PTPRG: variants seen among roughly 807,000 people sequenced by gnomAD.
The protein encoded by PTPRG is protein tyrosine phosphatase receptor type G, also known as receptor-type tyrosine-protein phosphatase gamma.
A neutral mutation model predicts 165.3 loss-of-function variants in PTPRG; 102 were observed. The ratio of observed to expected loss-of-function variants is 0.62; its 90% CI spans 0.53 to 0.73. The LOEUF is 0.73. Among genes scored for constraint, PTPRG ranks in the 30% least tolerant of loss-of-function variants. PTPRG has a pLI of 0.00. For missense variants in PTPRG, 1,866 were observed against 1,861.4 expected (o/e 1.00, Z -0.05); for synonymous variants, 675 against 669.5 (o/e 1.01, Z -0.13).
intron 2 of PTPRG, among the ~76,000 whole-genome samples, chr3:61,956,277 CT>C: frequency 1.1e-5 from 1 of 92,208 alleles, no homozygotes; most frequent in East Asian, 4.3e-4. Flanking sequence ...TGCACGCTGT[CT>C]CTCTCTCTCT....
At chr3:61,967,907 T>G (rs927319445) in intron 2 of PTPRG, among the ~76,000 whole-genome samples, 3 of 152,206 alleles carry the variant, frequency 2.0e-5, no homozygotes, top group Admixed American at 6.5e-5. Flanking sequence ...TTTTCTCTAG[T>G]AAACATGTAA....
intron 1 of PTPRG, among the ~76,000 whole-genome samples, chr3:61,726,467 T>G (rs924367834): frequency 6.6e-6 from 1 of 152,148 alleles, no homozygotes; most frequent in Non-Finnish European, 1.5e-5. Context: ...ATAATGGAAA[T>G]ATACTGCCAT....
chr3:61,760,891 C>T (rs1489531476), intron 2 of PTPRG, among the ~76,000 whole-genome samples: 1 of 152,132 alleles, frequency 6.6e-6, no homozygotes, highest in Non-Finnish European at 1.5e-5. Flanking sequence ...ATGATGGCTT[C>T]CAGCTTCATT....
At chr3:61,968,144 A>C (rs2040309975) in intron 2 of PTPRG, among the ~76,000 whole-genome samples, 1 of 152,234 alleles carries the variant, frequency 6.6e-6, no homozygotes, top group Non-Finnish European at 1.5e-5. Context: ...TTGGCCATAA[A>C]CAAGTACTAA....
intron 2 of PTPRG, among the ~76,000 whole-genome samples, chr3:61,789,957 A>G (rs556038709): frequency 6.6e-6 from 1 of 152,332 alleles, no homozygotes; most frequent in South Asian, 2.1e-4. Flanking sequence ...CTTGTGCATC[A>G]CATGATTTAG....
chr3:61,802,550 G>A (rs1030856295), intron 2 of PTPRG, among the ~76,000 whole-genome samples: 1 of 152,220 alleles, frequency 6.6e-6, no homozygotes, highest in Non-Finnish European at 1.5e-5. Flanking sequence ...TGCAGGCCTA[G>A]TTTGCTTCAT....
chr3:62,183,308 A>G (rs2106781533), intron 8 of PTPRG, among the ~76,000 whole-genome samples: 1 of 152,270 alleles, frequency 6.6e-6, no homozygotes, highest in African/African-American at 2.4e-5. Flanking sequence ...TCATGCCTGT[A>G]ATCTCAACAC....
chr3:61,964,063 A>C (rs937083680), intron 2 of PTPRG, among the ~76,000 whole-genome samples: 2 of 152,246 alleles, frequency 1.3e-5, no homozygotes, highest in Non-Finnish European at 2.9e-5. Flanking sequence ...TGCAGGGAAC[A>C]CATAAGTAGC....
chr3:62,096,850 A>G (rs1702136537), intron 5 of PTPRG, among the ~76,000 whole-genome samples: 1 of 152,244 alleles, frequency 6.6e-6, no homozygotes, highest in African/African-American at 2.4e-5. Flanking sequence ...TCCTAGCTGC[A>G]TTGGGCTTTA....
At chr3:61,719,872 A>C (rs2031976342) in intron 1 of PTPRG, among the ~76,000 whole-genome samples, 1 of 152,026 alleles carries the variant, frequency 6.6e-6, no homozygotes, top group Non-Finnish European at 1.5e-5. Context: ...CTTTCCTGGA[A>C]CGTTCTTTTC....
At chr3:61,672,117 C>T (rs1049305673) in intron 1 of PTPRG, among the ~76,000 whole-genome samples, 22 of 143,226 alleles carry the variant, frequency 1.5e-4, no homozygotes, top group African/African-American at 5.3e-4. Flanking sequence ...ACATCTCAGA[C>T]GATGGGCGGC....
rs1270465895 is a variant in PTPRG, at chr3:62,190,442, C to T, written c.1034-1027C>T. On this transcript the variant is annotated intron_variant, in intron 8 of 29. Coordinates refer to ENST00000474889, the MANE Select transcript of PTPRG (RefSeq NM_002841.4). This position sits in a 1 kb window ranked among gnomAD's most constrained non-coding sequence, Gnocchi z 5.2. ...ACATTTCCGGCTGACTGGATTGGACCTGTTGAGCATTTGTATAACTCATTC... is the reference window on the plus strand; with the variant it reads ...ACATTTCCGGCTGACTGGATTGGACTTGTTGAGCATTTGTATAACTCATTC... 6.6e-6 allele frequency among the ~76,000 whole-genome samples: 1 copy of T among 152,192 alleles called. No individual in the cohort carries two copies. The highest frequency in any genetic ancestry group is 1.5e-5 in the Non-Finnish European group (1 of 68,044).
At position 61,870,123 on chromosome 3, in the gene PTPRG, A is replaced by T. The variant is rs1052452890; in HGVS notation, c.191-119502A>T. Among the ~76,000 whole-genome samples, 3 of 152,066 alleles carry T rather than the reference A, an allele frequency of 2.0e-5. No individual in the cohort carries two copies. The South Asian group carries it at 6.2e-4, about 31-fold the overall frequency. ...ATATGAATTGTGGGAGGACACAAACATTTAGTCTATAGTGGTATGAAATGC... is the reference window on the plus strand; with the variant it reads ...ATATGAATTGTGGGAGGACACAAACTTTTAGTCTATAGTGGTATGAAATGC... On this transcript the variant is annotated intron_variant, in intron 2 of 29. Transcript: ENST00000474889.
chr3:62,108,889 G>GT (rs1435090535), intron 5 of PTPRG, among the ~76,000 whole-genome samples: 1 of 152,094 alleles, frequency 6.6e-6, no homozygotes, highest in Admixed American at 6.6e-5. Flanking sequence ...TGATGGGGTT[G>GT]TTTTTTTCTT....
At chr3:61,916,822 A>G (rs1046010765) in intron 2 of PTPRG, among the ~76,000 whole-genome samples, 1 of 152,206 alleles carries the variant, frequency 6.6e-6, no homozygotes, top group Non-Finnish European at 1.5e-5. Flanking sequence ...AAACTGGTAT[A>G]TGGTGGCTCC....
At chr3:61,759,322 C>A (rs187686386) in intron 2 of PTPRG, among the ~76,000 whole-genome samples, 2 of 152,246 alleles carry the variant, frequency 1.3e-5, no homozygotes, top group Non-Finnish European at 2.9e-5. Flanking sequence ...CTAATAACTT[C>A]AGGAATTCTC....
chr3:61,696,299 C>CGA (rs1179302496), intron 1 of PTPRG, among the ~76,000 whole-genome samples: 1 of 152,102 alleles, frequency 6.6e-6, no homozygotes, highest in Admixed American at 6.5e-5. Flanking sequence ...GCCAGGAGTT[C>CGA]GAGACCGGTC....
intron 2 of PTPRG, among the ~76,000 whole-genome samples, chr3:61,836,891 C>G (rs1011231149): frequency 6.7e-6 from 1 of 150,156 alleles, no homozygotes; most frequent in Non-Finnish European, 1.5e-5. Flanking sequence ...ACTACAGGCA[C>G]ACGCCACCAG....
At chr3:61,813,138 C>A (rs2035638652) in intron 2 of PTPRG, among the ~76,000 whole-genome samples, 1 of 151,562 alleles carries the variant, frequency 6.6e-6, no homozygotes, top group Non-Finnish European at 1.5e-5. Context: ...ATGTGGGGCT[C>A]AACGGAATGG....
Sources: allele counts gnomAD v4.1 joint callset (sites outside exome capture counted in the v4.1 genomes callset), GRCh38; gene constraint gnomAD v4.1.1; non-coding constraint Gnocchi (gnomAD v3.1); transcripts MANE v1.5; gene names NCBI Gene and HGNC (gene_info 2026-07-23, HGNC 2026-07-21).